EIF4G3: variants seen among roughly 807,000 people sequenced by gnomAD.
The protein encoded by EIF4G3 is eIF-4-gamma 3.
Under a neutral mutation model 186.4 loss-of-function variants are expected in EIF4G3, and 34 were observed. That is an observed-to-expected ratio of 0.18 (90% CI 0.14 to 0.24). The LOEUF is 0.24. EIF4G3 is among the 10% of genes least tolerant of loss of function. The pLI is 1.00. For missense variants in EIF4G3, 1,536 were observed against 1,948.5 expected (o/e 0.79, Z 3.99); for synonymous variants, 673 against 679.5 (o/e 0.99, Z 0.15).
At chr1:20,817,627 T>C in intron 33 of EIF4G3, 89 bp from the exon 34 acceptor site, 1 of 775,042 alleles carries the variant, frequency 1.3e-6, no homozygotes. Context: ...ATAGGTTACG[T>C]CTTCTATTTT....
chr1:21,047,995 T>TAGGCAAA (rs1557695655), intron 4 of EIF4G3, among the ~76,000 whole-genome samples: 1 of 152,128 alleles, frequency 6.6e-6, no homozygotes, highest in Non-Finnish European at 1.5e-5. Context: ...TTCATTAGAT[T>TAGGCAAA]AGGCAAAATG....
chr1:21,157,418 C>T (rs1455210780), intron 2 of EIF4G3, among the ~76,000 whole-genome samples: 2 of 152,030 alleles, frequency 1.3e-5, no homozygotes, highest in Admixed American at 6.6e-5. Context: ...CTTACCCAGG[C>T]TGGAGTGCAG....
At chr1:20,907,133 C>G (rs1278338653) in intron 14 of EIF4G3, among the ~76,000 whole-genome samples, 1 of 152,098 alleles carries the variant, frequency 6.6e-6, no homozygotes, top group Non-Finnish European at 1.5e-5. Flanking sequence ...GTTGACTGAA[C>G]AAATAATAGC....
chr1:20,941,074 G>T (rs1319512794), intron 14 of EIF4G3, among the ~76,000 whole-genome samples: 2 of 152,200 alleles, frequency 1.3e-5, no homozygotes, highest in East Asian at 3.9e-4. Flanking sequence ...ATGCATAGAA[G>T]AGTTCCTTTA....
chr1:20,922,001 A>T (rs2094519849), intron 14 of EIF4G3, among the ~76,000 whole-genome samples: 1 of 152,222 alleles, frequency 6.6e-6, no homozygotes, highest in Non-Finnish European at 1.5e-5. Context: ...ACATCCTTTC[A>T]ATTCACCATT....
At chr1:20,868,090 CTTTTT>C (rs66560662) in intron 20 of EIF4G3, among the ~76,000 whole-genome samples, 4 of 90,416 alleles carry the variant, frequency 4.4e-5, no homozygotes, top group African/African-American at 8.1e-5. Context: ...TGGTGATTTT[CTTTTT>C]TTTTTTTTTT....
chr1:20,841,319 A>AT, intron 29 of EIF4G3: 1 of 198,658 alleles, frequency 5.0e-6, no homozygotes, highest in Non-Finnish European at 1.0e-5. Context: ...AATAAAAAAA[A>AT]TTTTATAATG....
chr1:20,979,585 G>A (rs1183562610), intron 10 of EIF4G3, among the ~76,000 whole-genome samples: 1 of 152,116 alleles, frequency 6.6e-6, no homozygotes, highest in Non-Finnish European at 1.5e-5. Context: ...TCATGCCACT[G>A]GCAAAAATCC....
chr1:20,853,512 C>T (rs761947240), intron 27 of EIF4G3, 48 bp downstream of exon 27: 3 of 1,260,998 alleles, frequency 2.4e-6, no homozygotes, highest in Middle Eastern at 1.9e-4. Context: ...GCCACACATA[C>T]TGGCAAGCGG....
intron 12 of EIF4G3, among the ~76,000 whole-genome samples, chr1:20,959,829 C>T (rs1240746891): frequency 6.6e-6 from 1 of 151,928 alleles, no homozygotes; most frequent in Non-Finnish European, 1.5e-5. Flanking sequence ...AACCACAAAG[C>T]GATACCATCT....
chr1:21,101,384 G>A (rs754689437), intron 2 of EIF4G3, among the ~76,000 whole-genome samples: 5 of 151,592 alleles, frequency 3.3e-5, no homozygotes, highest in East Asian at 2.0e-4. Flanking sequence ...CCTGGCCAAC[G>A]TGGCAAAACT....
chr1:20,964,032 C>T lies in EIF4G3; in HGVS notation c.714+5442G>A, dbSNP rs371995500. On this transcript the variant is annotated intron_variant, in intron 12 of 36. Transcript: ENST00000602326. Reference sequence around the variant, plus strand: ...CATCATGTATTTATTTTTACACTACCGGGTTTCAATGAAGACTATTAGGCA... The same window carrying T: ...CATCATGTATTTATTTTTACACTACTGGGTTTCAATGAAGACTATTAGGCA... 5.9e-5 allele frequency among the ~76,000 whole-genome samples: 9 copies of T among 152,098 alleles called. No individual in the cohort carries two copies. In the South Asian group the frequency reaches 1.0e-3, roughly 18 times the overall value.
chr1:20,909,430 C>A (rs924274392), intron 14 of EIF4G3, among the ~76,000 whole-genome samples: 2 of 152,156 alleles, frequency 1.3e-5, no homozygotes, highest in Admixed American at 1.3e-4. Flanking sequence ...ACTGCTATCA[C>A]TGGCATAATC....
chr1:20,902,185 T>G (rs1293017127), intron 15 of EIF4G3, among the ~76,000 whole-genome samples: 3 of 151,852 alleles, frequency 2.0e-5, no homozygotes, highest in African/African-American at 7.3e-5. Flanking sequence ...TGCCTCAGCC[T>G]CCTGAGTAGC....
At chr1:21,128,661 G>A (rs1396605337) in intron 2 of EIF4G3, among the ~76,000 whole-genome samples, 2 of 152,078 alleles carry the variant, frequency 1.3e-5, no homozygotes, top group African/African-American at 2.4e-5. Flanking sequence ...TACCTAGCTC[G>A]AGTTATTTTT....
intron 12 of EIF4G3, among the ~76,000 whole-genome samples, chr1:20,956,167 TTC>T (rs2096409778): frequency 6.6e-6 from 1 of 152,212 alleles, no homozygotes; most frequent in African/African-American, 2.4e-5. Flanking sequence ...TCTATACTAA[TTC>T]TTTCTATACT....
intron 11 of EIF4G3, among the ~76,000 whole-genome samples, chr1:20,970,985 A>G (rs1011118294): frequency 1.3e-5 from 2 of 152,206 alleles, no homozygotes; most frequent in Non-Finnish European, 2.9e-5. Context: ...AATGAGGCAG[A>G]TCTACATGAA....
chr1:21,100,772 A>T (rs571244358), intron 2 of EIF4G3, among the ~76,000 whole-genome samples: 3 of 152,302 alleles, frequency 2.0e-5, no homozygotes, highest in Admixed American at 2.0e-4. Context: ...AAACAAAGAG[A>T]ATTGTTATGC....
At chr1:21,145,440 T>G (rs988237022) in intron 2 of EIF4G3, among the ~76,000 whole-genome samples, 1 of 151,946 alleles carries the variant, frequency 6.6e-6, no homozygotes, top group African/African-American at 2.4e-5. Context: ...TATGCCTTTT[T>G]TTTTTTTAAG....
Sources: gnomAD v4.1 joint callset for allele counts (sites outside exome capture counted in the v4.1 genomes callset) on GRCh38, gnomAD v4.1.1 for gene constraint, MANE v1.5 for transcripts, NCBI Gene and HGNC (gene_info 2026-07-23, HGNC 2026-07-21) for gene names.